The following PPFIA2 variants were observed in gnomAD, a reference collection of about 807,000 sequenced individuals.
The protein encoded by PPFIA2 is PPFI scaffold protein A2.
A neutral mutation model predicts 175.5 loss-of-function variants in PPFIA2; 46 were observed. The observed-to-expected ratio is 0.26, with a 90% CI of 0.21 to 0.34. The LOEUF is 0.34. Ranked by LOEUF, PPFIA2 falls within the 10% of genes least tolerant of loss-of-function variation. PPFIA2 has a pLI of 1.00. For synonymous variants in PPFIA2, 568 were observed against 511.4 expected, an observed-to-expected ratio of 1.11 and a Z score of -1.49; for missense variants, 1,179 against 1,506.1, an observed-to-expected ratio of 0.78 and a Z score of 3.60.
At chr12:81,757,958 T>C (rs550697369) in intron 2 of PPFIA2, among the ~76,000 whole-genome samples, 2 of 152,380 alleles carry the variant, frequency 1.3e-5, no homozygotes, top group Admixed American at 6.5e-5. Context: ...AGAGAAATCC[T>C]AGCCATTGTC....
chr12:81,651,124 T>G (rs2066957167), intron 4 of PPFIA2, among the ~76,000 whole-genome samples: 1 of 152,164 alleles, frequency 6.6e-6, no homozygotes, highest in Non-Finnish European at 1.5e-5. Context: ...GGCTATATAG[T>G]AAAGCTGTAG....
chr12:81,529,544 CG>C (rs924230148), intron 4 of PPFIA2, among the ~76,000 whole-genome samples: 3 of 135,066 alleles, frequency 2.2e-5, no homozygotes, highest in African/African-American at 5.8e-5. Flanking sequence ...CAAAGAGTGG[CG>C]GGGGGGCAGT....
intron 7 of PPFIA2, among the ~76,000 whole-genome samples, chr12:81,421,059 A>T (rs1376284049): frequency 3.3e-5 from 5 of 152,142 alleles, no homozygotes; most frequent in Non-Finnish European, 2.9e-5. Context: ...AGAACAATAT[A>T]TCCAACAAAA....
At chr12:81,534,668 CT>C (rs778127234) in intron 4 of PPFIA2, among the ~76,000 whole-genome samples, 1 of 151,668 alleles carries the variant, frequency 6.6e-6, no homozygotes, top group Non-Finnish European at 1.5e-5. Context: ...AGAAAAAGAA[CT>C]TTTCTAGAAA....
intron 7 of PPFIA2, among the ~76,000 whole-genome samples, chr12:81,423,206 C>T (rs933279812): frequency 1.3e-5 from 2 of 152,074 alleles, no homozygotes; most frequent in Non-Finnish European, 2.9e-5. Context: ...GGAATTGATA[C>T]CAACTCATCT....
chr12:81,638,692 T>TTC lies in PPFIA2; in HGVS notation c.303+38098_303+38099insGA, dbSNP rs1316485118. 3.1e-5 allele frequency among the ~76,000 whole-genome samples: 4 copies of TTC among 129,180 alleles called. No individual in the cohort carries two copies. The East Asian group carries it at 6.3e-4, about 20-fold the overall frequency. The allele number at this position is 129,180 out of a possible 152,430, so 84.7% of individuals were successfully genotyped here. Reference sequence around the variant, plus strand: ...TTTGTCATAAATTTTCTTTTTTTTTTTTTTTTTTTTTTTGAGACGGAGTCT... The same window carrying TTC: ...TTTGTCATAAATTTTCTTTTTTTTTTTCTTTTTTTTTTTTTGAGACGGAGTCT... On this transcript the variant is annotated intron_variant, in intron 4 of 32. Coordinates refer to ENST00000549396, the MANE Select transcript of PPFIA2 (RefSeq NM_003625.5).
chr12:81,430,146 A>C (rs962305455), intron 7 of PPFIA2: 3 of 151,962 alleles, frequency 2.0e-5, no homozygotes. Context: ...ATTGATCTTA[A>C]AATTATAGTT....
chr12:81,367,894 G>C (rs1301179024), intron 13 of PPFIA2, among the ~76,000 whole-genome samples: 1 of 151,604 alleles, frequency 6.6e-6, no homozygotes, highest in Non-Finnish European at 1.5e-5. Context: ...TGTAGTAATT[G>C]CATAGGGGCC....
At chr12:81,471,691 C>T (rs879452021) in intron 4 of PPFIA2, among the ~76,000 whole-genome samples, 1 of 151,942 alleles carries the variant, frequency 6.6e-6, no homozygotes, top group Admixed American at 6.6e-5. Context: ...ATATGCTCAT[C>T]TTATTTTTAA....
chr12:81,695,832 C>T (rs1222832389), intron 3 of PPFIA2, among the ~76,000 whole-genome samples: 2 of 152,070 alleles, frequency 1.3e-5, no homozygotes, highest in African/African-American at 4.8e-5. Flanking sequence ...CTTTATATTT[C>T]CCAACTCTGG....
chr12:81,542,695 T>C (rs1375655955), intron 4 of PPFIA2, among the ~76,000 whole-genome samples: 7 of 152,276 alleles, frequency 4.6e-5, no homozygotes, highest in African/African-American at 1.7e-4. Context: ...AATTTGTGAA[T>C]ATAAATATTT....
chr12:81,262,255 T>G (rs2035841549), intron 31 of PPFIA2, among the ~76,000 whole-genome samples: 1 of 152,192 alleles, frequency 6.6e-6, no homozygotes, highest in African/African-American at 2.4e-5. Context: ...AGTTGTTATG[T>G]ATTCTTCCTT....
intron 4 of PPFIA2, 52 bp downstream of exon 4, chr12:81,676,739 T>G: frequency 1.5e-6 from 2 of 1,312,248 alleles, no homozygotes; most frequent in Non-Finnish European, 2.1e-6. Context: ...TAATCTGGTG[T>G]GTACACAATT....
At chr12:81,409,964 C>A (rs1369006993) in intron 7 of PPFIA2, among the ~76,000 whole-genome samples, 3 of 152,072 alleles carry the variant, frequency 2.0e-5, no homozygotes, top group African/African-American at 7.2e-5. Context: ...AAACCTAGGG[C>A]TCAATGTGAT....
At chr12:81,683,570 A>C (rs1352549206) in intron 3 of PPFIA2, among the ~76,000 whole-genome samples, 1 of 151,994 alleles carries the variant, frequency 6.6e-6, no homozygotes, top group Non-Finnish European at 1.5e-5. Flanking sequence ...GCTCTTGGCT[A>C]TCTCTCTGAC....
In PPFIA2 at chr12:81,314,614, C is replaced by T. The variant is rs1027543565; in HGVS notation, c.2642+11163G>A. ...TATATTTCAAAATGAGAGCCTTCAA[C>T]TTTTCAGTTTCCTCACCTTGATCTT... is the stretch of plus-strand genomic sequence containing the variant. On this transcript the variant is annotated intron_variant, in intron 22 of 32. Coordinates refer to ENST00000549396, the MANE Select transcript of PPFIA2 (RefSeq NM_003625.5). 2.6e-5 allele frequency among the ~76,000 whole-genome samples: 4 copies of T among 151,912 alleles called. No homozygotes were observed. In the East Asian group the frequency reaches 7.7e-4, roughly 29 times the overall value.
intron 4 of PPFIA2, among the ~76,000 whole-genome samples, chr12:81,560,249 T>A (rs1365142402): frequency 6.6e-6 from 1 of 151,904 alleles, no homozygotes; most frequent in Non-Finnish European, 1.5e-5. Flanking sequence ...TATGTGTGTG[T>A]GTGTCTGTGT....
intron 8 of PPFIA2, among the ~76,000 whole-genome samples, chr12:81,398,748 A>G (rs1044696229): frequency 6.6e-6 from 1 of 152,122 alleles, no homozygotes; most frequent in African/African-American, 2.4e-5. Flanking sequence ...TTAATTCCAT[A>G]TTAAGGCATG....
chr12:81,588,311 C>T (rs1234166861), intron 4 of PPFIA2, among the ~76,000 whole-genome samples: 2 of 151,936 alleles, frequency 1.3e-5, no homozygotes, highest in Non-Finnish European at 2.9e-5. Context: ...AGGAAAACAA[C>T]TTCCAAAATG....
Sources: allele counts gnomAD v4.1 joint callset (sites outside exome capture counted in the v4.1 genomes callset), GRCh38; gene constraint gnomAD v4.1.1; transcripts MANE v1.5; gene names NCBI Gene and HGNC (gene_info 2026-07-23, HGNC 2026-07-21).